Variants in PIN1 observed in about 807,000 individuals in gnomAD.
The protein encoded by PIN1 is peptidyl-prolyl cis-trans isomerase NIMA-interacting 1.
In PIN1, 8 loss-of-function variants were observed where a neutral mutation model predicts 19.9. The observed-to-expected ratio is 0.40, with a 90% CI of 0.24 to 0.72. The LOEUF is 0.72. Among genes scored for constraint, PIN1 ranks in the 30% least tolerant of loss-of-function variants. The probability of loss-of-function intolerance (pLI) is 0.37; values close to 1 mark genes in which losing one functional copy is unlikely to be tolerated. For synonymous variants in PIN1, 86 were observed against 90.8 expected (o/e 0.95, Z 0.30); for missense variants, 185 against 226.5 (o/e 0.82, Z 1.18).
At position 9,836,836 on chromosome 19, in the gene PIN1, G is replaced by A. The variant is rs2145407640; in HGVS notation, c.58+1434G>A. On this transcript the variant is annotated intron_variant, in intron 1 of 3. Coordinates refer to ENST00000247970, the MANE Select transcript of PIN1 (RefSeq NM_006221.4). ...TGCCTGGAACAGAGTAAACACTCAG[G>A]AAGCGTTACCCACTGCTGCCATTCC... 4 of 1,287,066 alleles carry A rather than the reference G, an allele frequency of 3.1e-6. No homozygotes were observed. In the African/African-American group the frequency reaches 6.1e-5, roughly 20 times the overall value. The allele number at this position is 1,287,066 out of a possible 1,614,324, so 79.7% of individuals were successfully genotyped here.
At position 9,835,386 on chromosome 19, in the gene PIN1, C is replaced by A; in HGVS notation, c.42C>A (p.Arg14=). Residue 14 remains arginine, a synonymous_variant, in exon 1 of 4, where the codon CGC becomes CGA. Coordinates refer to ENST00000247970, the MANE Select transcript of PIN1 (RefSeq NM_006221.4). ...EEKLPPGWEK[R]MSRSSGRVYY... Reference sequence around the variant, plus strand: ...AGCTGCCGCCCGGCTGGGAGAAGCGCATGAGCCGCAGCTCAGGTGCCGCGG... The same window carrying A: ...AGCTGCCGCCCGGCTGGGAGAAGCGAATGAGCCGCAGCTCAGGTGCCGCGG... The A allele has an allele frequency of 1.3e-6, 2 of 1,514,596 alleles. No homozygotes were observed. The highest frequency in any genetic ancestry group is 1.2e-5 in the South Asian group (1 of 82,102). 93.8% of individuals were successfully genotyped at this position (1,514,596 alleles called of 1,614,324 possible). A position where few individuals can be genotyped will look rare whatever the true frequency, so the allele number is the denominator to read the frequency against.
At chr19:9,841,010 G>A (rs937067952) in intron 2 of PIN1, among the ~76,000 whole-genome samples, 5 of 152,180 alleles carry the variant, frequency 3.3e-5, no homozygotes, top group African/African-American at 9.7e-5. Flanking sequence ...TCCTGGCATC[G>A]GTAAATGTTC....
At chr19:9,847,687 CGT>C (rs369827332) in intron 2 of PIN1, among the ~76,000 whole-genome samples, 82 of 125,382 alleles carry the variant, frequency 6.5e-4, no homozygotes, top group African/African-American at 1.6e-3. Context: ...TTTTCCCTCA[CGT>C]GTGTGTGTGT....
In PIN1 at chr19:9,849,684, C is replaced by T; in HGVS notation, c.*485C>T. ...CCCCCAATTAAACCCAGAACCACTGCTCTGCTCTCCTGTGTCTCATTTCTC... is the reference window on the plus strand; with the variant it reads ...CCCCCAATTAAACCCAGAACCACTGTTCTGCTCTCCTGTGTCTCATTTCTC... On this transcript the variant is annotated 3_prime_UTR_variant, in exon 4 of 4. Coordinates refer to ENST00000247970, the MANE Select transcript of PIN1 (RefSeq NM_006221.4). 2.0e-6 allele frequency: 1 copy of T among 494,002 alleles called. No individual in the cohort carries two copies. The highest frequency in any genetic ancestry group is 4.1e-6 in the Non-Finnish European group (1 of 246,344). The allele number at this position is 494,002 out of a possible 1,614,324, so 30.6% of individuals were successfully genotyped here.
intron 2 of PIN1, among the ~76,000 whole-genome samples, chr19:9,841,818 T>G (rs2046169419): frequency 6.6e-6 from 1 of 152,122 alleles, no homozygotes; most frequent in Non-Finnish European, 1.5e-5. Flanking sequence ...TTCCGGACCC[T>G]ATAAGAGTGA....
rs939690325 is a variant in PIN1, at chr19:9,846,369, G to A, written c.272-1661G>A. On this transcript the variant is annotated intron_variant, in intron 2 of 3. Coordinates refer to ENST00000247970, the MANE Select transcript of PIN1 (RefSeq NM_006221.4). This position sits in a 1 kb window ranked among gnomAD's most constrained non-coding sequence, Gnocchi z 5.9. Reference sequence around the variant, plus strand: ...GGGAAGAATGATGACAGCAAGGGACGTTGGTCAGGGTCCTGCTCGGTGCCG... The same window carrying A: ...GGGAAGAATGATGACAGCAAGGGACATTGGTCAGGGTCCTGCTCGGTGCCG... Among the ~76,000 whole-genome samples the A allele has an allele frequency of 2.0e-5, 3 of 152,198 alleles. No individual in the cohort carries two copies. The highest frequency in any genetic ancestry group is 2.4e-5 in the African/African-American group (1 of 41,450).
At position 9,849,296 on chromosome 19, in the gene PIN1, C is replaced by T; in HGVS notation, c.*97C>T. On this transcript the variant is annotated 3_prime_UTR_variant, in exon 4 of 4. Transcript: ENST00000247970. Reference sequence around the variant, plus strand: ...AGCCAGTGGCCGAACCCCCCACTCCCTGCCACCGTCACACAGTATTTATTG... The same window carrying T: ...AGCCAGTGGCCGAACCCCCCACTCCTTGCCACCGTCACACAGTATTTATTG... 1 of 783,870 alleles carries T rather than the reference C, an allele frequency of 1.3e-6. No individual in the cohort carries two copies. The highest frequency in any genetic ancestry group is 2.2e-6 in the Non-Finnish European group (1 of 452,620). 48.6% of individuals were successfully genotyped at this position (783,870 alleles called of 1,614,324 possible). A position where few individuals can be genotyped will look rare whatever the true frequency, so the allele number is the denominator to read the frequency against.
rs2046137981 is a variant in PIN1, at chr19:9,838,854, A to G, written c.271+206A>G. ...TCTGGCATTTGAGGGTGAGCCAGGT[A>G]GGGGCAGAGGACCCAGCCTGGGGGC... is the stretch of plus-strand genomic sequence containing the variant. On this transcript the variant is annotated intron_variant, in intron 2 of 3. Coordinates refer to ENST00000247970, the MANE Select transcript of PIN1 (RefSeq NM_006221.4). The surrounding 1 kb of genome is among the most constrained non-coding windows in gnomAD (Gnocchi z 5.8). Among the ~76,000 whole-genome samples the G allele has an allele frequency of 6.6e-6, 1 of 152,186 alleles. No homozygotes were observed. Among genetic ancestry groups the G allele is most frequent in the African/African-American group, 2.4e-5 (1 of 41,450 alleles).
At position 9,838,622 on chromosome 19, in the gene PIN1, A is replaced by G; in HGVS notation, c.245A>G (p.Lys82Arg). 1.3e-6 allele frequency: 2 copies of G among 1,548,430 alleles called. No homozygotes were observed. The highest frequency in any genetic ancestry group is 1.7e-6 in the Non-Finnish European group (2 of 1,147,766). ...SWRQEKITRT[K>R]EEALELINGY... The stretch of plus-strand genomic sequence containing the variant: ...CGGCAGGAGAAGATCACCCGGACCA[A>G]GGAGGAGGCCCTGGAGCTGATCAAC... The change falls in exon 2 of 4, where the codon AAG (lysine) becomes AGG (arginine). Residue 82 changes from lysine (K) to arginine (R), a missense_variant. Transcript: ENST00000247970. The surrounding 1 kb of genome is among the most constrained non-coding windows in gnomAD (Gnocchi z 5.8).
Position 9,835,418 on chromosome 19 carries a change from G to T in PIN1, c.58+16G>T. 6.7e-7 allele frequency: 1 copy of T among 1,490,606 alleles called. No homozygotes were observed. The highest frequency in any genetic ancestry group is 1.3e-5 in the South Asian group (1 of 79,492). 92.3% of individuals were successfully genotyped at this position (1,490,606 alleles called of 1,614,324 possible). On this transcript the variant is annotated intron_variant, in intron 1 of 3. Coordinates refer to ENST00000247970, the MANE Select transcript of PIN1 (RefSeq NM_006221.4). ...CGCAGCTCAGGTGCCGCGGGGGTCG[G>T]GGCTGGGGCGGGACTGCGCGGGCCC...
intron 2 of PIN1, among the ~76,000 whole-genome samples, chr19:9,847,583 C>G (rs1006848636): frequency 2.0e-5 from 3 of 152,248 alleles, no homozygotes; most frequent in African/African-American, 4.8e-5. Flanking sequence ...AGCTCTCCCA[C>G]CTCTGCCCAG....
Position 9,849,617 on chromosome 19 carries a change from C to T in PIN1, c.*418C>T, listed in dbSNP as rs1251727374. The stretch of plus-strand genomic sequence containing the variant: ...GTCGCAAAGGTGAACACTCATGCGG[C>T]CCAGCCATGGGCCCTCTGAGCAACT... On this transcript the variant is annotated 3_prime_UTR_variant, in exon 4 of 4. Coordinates refer to ENST00000247970, the MANE Select transcript of PIN1 (RefSeq NM_006221.4). The T allele has an allele frequency of 1.9e-6, 1 of 530,264 alleles. No homozygotes were observed. Among genetic ancestry groups the T allele is most frequent in the Admixed American group, 1.9e-5 (1 of 51,924 alleles). 32.8% of individuals were successfully genotyped at this position (530,264 alleles called of 1,614,324 possible).
rs575279721 is a variant in PIN1, at chr19:9,839,161, C to T, written c.271+513C>T. 3.3e-5 allele frequency among the ~76,000 whole-genome samples: 5 copies of T among 152,078 alleles called. No individual in the cohort carries two copies. In the South Asian group the frequency reaches 6.2e-4, roughly 19 times the overall value. On this transcript the variant is annotated intron_variant, in intron 2 of 3. Coordinates refer to ENST00000247970, the MANE Select transcript of PIN1 (RefSeq NM_006221.4). ...GAAGGTAGTGAGTGCATGCAGGGTG[C>T]GGTGGCTCACGCCTGTAATCCCAGC...
At chr19:9,844,104 A>C (rs2046195644) in intron 2 of PIN1, among the ~76,000 whole-genome samples, 1 of 152,064 alleles carries the variant, frequency 6.6e-6, no homozygotes, top group African/African-American at 2.4e-5. Flanking sequence ...TTATGACCTC[A>C]TTTAACCCTA....
intron 1 of PIN1, chr19:9,835,891 C>T (rs1252296520): frequency 6.3e-6 from 1 of 159,356 alleles, no homozygotes; most frequent in Non-Finnish European, 1.4e-5. Flanking sequence ...AGACGATGGC[C>T]CCTGTGCTTA....
Position 9,849,569 on chromosome 19 carries a change from G to A in PIN1, c.*370G>A, listed in dbSNP as rs113254905. On this transcript the variant is annotated 3_prime_UTR_variant, in exon 4 of 4. Transcript: ENST00000247970. Reference sequence around the variant, plus strand: ...AGACTCGAGGGCCGAATTGTTTCTAGTTAGGCCACGCTCCTCTGTTCAGTC... The same window carrying A: ...AGACTCGAGGGCCGAATTGTTTCTAATTAGGCCACGCTCCTCTGTTCAGTC... The A allele has an allele frequency of 1.8e-6, 1 of 569,306 alleles. No individual in the cohort carries two copies. Among genetic ancestry groups the A allele is most frequent in the Non-Finnish European group, 3.4e-6 (1 of 293,194 alleles). The allele number at this position is 569,306 out of a possible 1,614,324, so 35.3% of individuals were successfully genotyped here. A position where few individuals can be genotyped will look rare whatever the true frequency, so the allele number is the denominator to read the frequency against.
chr19:9,841,253 A>G (rs1280480075), intron 2 of PIN1, among the ~76,000 whole-genome samples: 3 of 152,216 alleles, frequency 2.0e-5, no homozygotes, highest in Admixed American at 6.5e-5. Flanking sequence ...GTTCTTGCAC[A>G]GAATCTTGAA....
At chr19:9,836,946 TTC>T in intron 1 of PIN1, 1 of 846,138 alleles carries the variant, frequency 1.2e-6, no homozygotes, top group Non-Finnish European at 1.7e-6. Flanking sequence ...GTGTGCCAGT[TTC>T]TGTCCTAGGC....
chr19:9,843,919 G>A (rs118103128), intron 2 of PIN1, among the ~76,000 whole-genome samples: 9 of 152,038 alleles, frequency 5.9e-5, no homozygotes, highest in Admixed American at 3.9e-4. Flanking sequence ...ATGTAGTGGC[G>A]CACACCTGTG....
Sources: gnomAD v4.1 joint callset for allele counts (sites outside exome capture counted in the v4.1 genomes callset) on GRCh38, gnomAD v4.1.1 for gene constraint, Gnocchi (gnomAD v3.1) non-coding constraint, MANE v1.5 for transcripts, NCBI Gene and HGNC (gene_info 2026-07-23, HGNC 2026-07-21) for gene names.